Variants in CSMD1 observed in about 807,000 individuals in gnomAD.
The protein encoded by CSMD1 is CUB and Sushi multiple domains 1.
Under a neutral mutation model 417.5 loss-of-function variants are expected in CSMD1, and 213 were observed. The observed-to-expected ratio is 0.51, with a 90% confidence interval of 0.46 to 0.57. CSMD1 has a LOEUF of 0.57. Ranked by LOEUF, CSMD1 falls within the 20% of genes least tolerant of loss-of-function variation. The pLI, the probability that CSMD1 is intolerant of heterozygous loss-of-function variation, is 0.00. For missense variants in CSMD1, 6,923 were observed against 4,529.7 expected (o/e 1.53, Z -15.17); for synonymous variants, 2,862 against 1,736.8 (o/e 1.65, Z -16.11).
chr8:4,540,200 G>A (rs565485210), intron 2 of CSMD1, among the ~76,000 whole-genome samples: 49 of 152,290 alleles, frequency 3.2e-4, no homozygotes, highest in African/African-American at 1.1e-3. Context: ...GAGGGGCTGG[G>A]ATTTGCTTTA....
intron 3 of CSMD1, among the ~76,000 whole-genome samples, chr8:4,160,217 C>G (rs1030976262): frequency 6.6e-6 from 1 of 152,042 alleles, no homozygotes; most frequent in African/African-American, 2.4e-5. Flanking sequence ...AAAAATCTGG[C>G]TAATTGTTCT....
chr8:3,662,480 A>C (rs1051099998), intron 7 of CSMD1, among the ~76,000 whole-genome samples: 5 of 152,214 alleles, frequency 3.3e-5, no homozygotes, highest in African/African-American at 1.2e-4. Context: ...GGTTATTGTA[A>C]ATAGTGCTGC....
At chr8:4,908,137 T>C (rs185959148) in intron 1 of CSMD1, among the ~76,000 whole-genome samples, 64 of 152,338 alleles carry the variant, frequency 4.2e-4, no homozygotes, top group Admixed American at 1.6e-3. Context: ...GGGTACAGAA[T>C]TCTAGGTAGT....
chr8:3,092,646 C>A (rs17079315), intron 47 of CSMD1, among the ~76,000 whole-genome samples: 1 of 152,036 alleles, frequency 6.6e-6, no homozygotes, highest in African/African-American at 2.4e-5. Flanking sequence ...GTTTTAAAAA[C>A]GTTGAGACAA....
chr8:4,516,459 G>C (rs1030876140), intron 2 of CSMD1, among the ~76,000 whole-genome samples: 1 of 152,124 alleles, frequency 6.6e-6, no homozygotes, highest in African/African-American at 2.4e-5. Context: ...TCACCCTCCA[G>C]GCTGCTGAGA....
chr8:3,193,885 G>C (rs369503756), intron 33 of CSMD1, among the ~76,000 whole-genome samples: 1 of 152,306 alleles, frequency 6.6e-6, no homozygotes, highest in East Asian at 1.9e-4. Context: ...CTAAGCTACA[G>C]ATACATGCTG....
At chr8:4,893,988 T>A (rs985105446) in intron 1 of CSMD1, among the ~76,000 whole-genome samples, 6 of 152,150 alleles carry the variant, frequency 3.9e-5, no homozygotes, top group Non-Finnish European at 8.8e-5. Flanking sequence ...TCAAGAAGGA[T>A]TTCAACATCT....
At chr8:4,728,952 G>A (rs1329041616) in intron 1 of CSMD1, among the ~76,000 whole-genome samples, 1 of 152,166 alleles carries the variant, frequency 6.6e-6, no homozygotes, top group African/African-American at 2.4e-5. Context: ...CGTCCATGTG[G>A]AGATAGAGAT....
At chr8:3,525,313 T>A (rs1797708966) in intron 10 of CSMD1, among the ~76,000 whole-genome samples, 1 of 152,266 alleles carries the variant, frequency 6.6e-6, no homozygotes, top group South Asian at 2.1e-4. Context: ...GGAATTAGCA[T>A]TTCCAGTGAG....
rs556904065 is a variant in CSMD1, at chr8:3,289,252, G to A, written c.3951-4906C>T. Among the ~76,000 whole-genome samples the A allele has an allele frequency of 3.0e-3, 441 of 147,150 alleles. 14 individuals are homozygous for A. Among genetic ancestry groups the A allele is most frequent in the Non-Finnish European group, 4.5e-3 (306 of 68,008 alleles). ...TGTTGGACATTTAGGTTGGTTCCAC[G>A]TCTTTGCTATTGTGAATAGTGCCGC... On this transcript the variant is annotated intron_variant, in intron 25 of 69. Coordinates refer to ENST00000635120, the MANE Select transcript of CSMD1 (RefSeq NM_033225.6).
chr8:4,565,917 T>A (rs1024758692), intron 2 of CSMD1, among the ~76,000 whole-genome samples: 3 of 151,650 alleles, frequency 2.0e-5, no homozygotes, highest in Non-Finnish European at 4.4e-5. Flanking sequence ...AATGTTTTTG[T>A]TTCAATGAGT....
intron 4 of CSMD1, among the ~76,000 whole-genome samples, chr8:4,019,258 G>A (rs952231598): frequency 7.9e-5 from 12 of 152,190 alleles, no homozygotes; most frequent in African/African-American, 2.9e-4. Context: ...CTCTCTTACA[G>A]ACTAAGAGTT....
chr8:4,027,373 T>C (rs756642352), intron 4 of CSMD1, among the ~76,000 whole-genome samples: 2 of 152,158 alleles, frequency 1.3e-5, no homozygotes, highest in Admixed American at 6.6e-5. Flanking sequence ...GTAACCTAAA[T>C]TCTAATCCCC....
intron 1 of CSMD1, among the ~76,000 whole-genome samples, chr8:4,710,341 T>A (rs1302744234): frequency 6.7e-6 from 1 of 149,974 alleles, no homozygotes; most frequent in Non-Finnish European, 1.5e-5. Context: ...CTAAAGTACA[T>A]TAATACTTCA....
chr8:4,883,564 C>T (rs955483675), intron 1 of CSMD1, among the ~76,000 whole-genome samples: 7 of 152,054 alleles, frequency 4.6e-5, no homozygotes, highest in African/African-American at 9.7e-5. Context: ...CCAAGCATTT[C>T]GTATAATAGA....
chr8:4,333,004 C>T (rs749799858), intron 3 of CSMD1, among the ~76,000 whole-genome samples: 1 of 150,420 alleles, frequency 6.6e-6, no homozygotes, highest in East Asian at 2.0e-4. Flanking sequence ...TATGAAAGAG[C>T]CTAGCAACAA....
chr8:2,965,873 T>C lies in CSMD1; in HGVS notation c.9182A>G (p.Tyr3061Cys). 1.2e-6 allele frequency: 2 copies of C among 1,610,416 alleles called. No homozygotes were observed. Among genetic ancestry groups the C allele is most frequent in the Non-Finnish European group, 1.7e-6 (2 of 1,178,354 alleles). Residue 3061 changes from tyrosine to cysteine, a missense_variant, in exon 59 of 70, where the codon TAT (tyrosine) becomes TGT (cysteine). By Grantham distance (194) the Tyr-to-Cys change is radical (BLOSUM62 -2). Coordinates refer to ENST00000635120, the MANE Select transcript of CSMD1 (RefSeq NM_033225.6). ...CATGACATAGCCTGGGTTACACTGATAGCTCACAGTCTTGTTGAAGGTGAA... is the reference window on the plus strand; with the variant it reads ...CATGACATAGCCTGGGTTACACTGACAGCTCACAGTCTTGTTGAAGGTGAA... ...TDFTFNKTVS[Y>C]QCNPGYVMEA...
intron 3 of CSMD1, among the ~76,000 whole-genome samples, chr8:4,269,507 G>C (rs1298197461): frequency 6.6e-6 from 1 of 152,154 alleles, no homozygotes; most frequent in Non-Finnish European, 1.5e-5. Flanking sequence ...TGGGAAGCAT[G>C]TTTTTATCTA....
chr8:3,358,569 G>A (rs560207703), intron 21 of CSMD1, among the ~76,000 whole-genome samples: 6 of 151,944 alleles, frequency 3.9e-5, no homozygotes, highest in Admixed American at 6.6e-5. Context: ...GTACTTCATG[G>A]CAAAGTACCG....
Sources: gnomAD v4.1 joint callset for allele counts (sites outside exome capture counted in the v4.1 genomes callset) on GRCh38, gnomAD v4.1.1 for gene constraint, MANE v1.5 for transcripts, NCBI Gene and HGNC (gene_info 2026-07-23, HGNC 2026-07-21) for gene names.